Variants in IL17RB observed in about 807,000 individuals in gnomAD.
The protein encoded by IL17RB is interleukin 17 receptor B.
IL17RB carries 36 observed loss-of-function variants against 43.9 expected under a neutral mutation model. That is an observed-to-expected ratio of 0.82 (90% CI 0.63 to 1.08). The LOEUF (loss-of-function observed/expected upper bound fraction) is 1.08. Among genes scored for constraint, IL17RB ranks in the 50% least tolerant of loss-of-function variants. IL17RB has a pLI of 0.00. For synonymous variants in IL17RB, 225 were observed against 225.4 expected (o/e 1.00, Z 0.02); for missense variants, 613 against 613.6 (o/e 1.00, Z 0.01).
In IL17RB at chr3:53,860,025, TAA is replaced by T. The variant is rs1001328332; in HGVS notation, c.848-100_848-99del. 9.8e-6 allele frequency: 8 copies of T among 812,490 alleles called. No individual in the cohort carries two copies. In the African/African-American group the frequency reaches 1.2e-4, roughly 12 times the overall value. The allele number at this position is 812,490 out of a possible 1,614,324, so 50.3% of individuals were successfully genotyped here. On this transcript the variant is annotated intron_variant, in intron 9 of 10. Transcript: ENST00000288167. ...ACTCTGTCTCAAAACTAAAAAATAA[TAA>T]AAAATAAATAAACCTCTATAAAGTA...
At position 53,864,951 on chromosome 3, in the gene IL17RB, T is replaced by C. The variant is rs2232349; in HGVS notation, c.1152T>C (p.Thr384=). The C allele has an allele frequency of 6.9e-4, 1,113 of 1,614,148 alleles. 10 individuals are homozygous for C. In the African/African-American group the frequency reaches 0.013, roughly 19 times the overall value. The change falls in exon 11 of 11, where the codon ACT becomes ACC. Residue 384 remains threonine (T), a synonymous_variant. Coordinates refer to ENST00000288167, the MANE Select transcript of IL17RB (RefSeq NM_018725.4). The part of the protein sequence containing the change: ...AEMGPVQWLA[T]QKKAADKVVF... ...TGGGTCCAGTGCAGTGGCTTGCCAC[T>C]CAAAAGAAGGCAGCAGACAAAGTCG...
Position 53,852,008 on chromosome 3 carries a change from G to C in IL17RB, c.236G>C (p.Arg79Pro). 1.9e-6 allele frequency: 3 copies of C among 1,614,114 alleles called. No individual in the cohort carries two copies. The highest frequency in any genetic ancestry group is 2.5e-6 in the Non-Finnish European group (3 of 1,180,020). The stretch of plus-strand genomic sequence containing the variant: ...TTGCCTATCTCGGCAGCCAGCATCC[G>C]CTTGTTGAAGGCCACCAAGATTTGT... Reference protein sequence around the residue: ...SWVLRADASIRLLKATKICVT... With the variant: ...SWVLRADASIPLLKATKICVT... The change falls in exon 4 of 11, where the codon CGC becomes CCC. Residue 79 changes from arginine to proline, a missense_variant. By Grantham distance (103) the Arg-to-Pro change is moderately radical (BLOSUM62 -2). Transcript: ENST00000288167.
chr3:53,855,241 T>TG, intron 5 of IL17RB, 53 bp from the exon 6 acceptor site: 1 of 1,225,140 alleles, frequency 8.2e-7, no homozygotes, highest in Non-Finnish European at 1.2e-6. Flanking sequence ...GCAAAGGGGG[T>TG]GGGGCAGAGA....
In IL17RB at chr3:53,853,005, T is replaced by C; in HGVS notation, c.481+8T>C. 1 of 1,613,938 alleles carries C rather than the reference T, an allele frequency of 6.2e-7. No individual in the cohort carries two copies. The highest frequency in any genetic ancestry group is 8.5e-7 in the Non-Finnish European group (1 of 1,179,868). ...TGAATTTCACCTCACCAGGTAAACT[T>C]CCTCATTTGTTTATTATTCTTTGTC... is the stretch of plus-strand genomic sequence containing the variant. On this transcript the variant is annotated splice_region_variant and intron_variant, in intron 5 of 10. Transcript: ENST00000288167.
chr3:53,855,371 T>C (rs750280864), intron 6 of IL17RB, 30 bp downstream of exon 6: 3 of 1,501,310 alleles, frequency 2.0e-6, no homozygotes, highest in South Asian at 2.3e-5. Context: ...GCTTTTATTA[T>C]TTGAAGAAAC....
intron 1 of IL17RB, among the ~76,000 whole-genome samples, chr3:53,847,941 A>C (rs1698989139): frequency 6.6e-6 from 1 of 152,264 alleles, no homozygotes; most frequent in South Asian, 2.1e-4. Context: ...GATGCTCAGC[A>C]GCATATTCCA....
In IL17RB at chr3:53,846,640, C is replaced by A; in HGVS notation, c.52C>A (p.Arg18=). 6.3e-7 allele frequency: 1 copy of A among 1,591,904 alleles called. No individual in the cohort carries two copies. The highest frequency in any genetic ancestry group is 2.3e-5 in the East Asian group (1 of 43,018). The change falls in exon 1 of 11, where the codon CGA becomes AGA. Residue 18 remains arginine, a synonymous_variant. Coordinates refer to ENST00000288167, the MANE Select transcript of IL17RB (RefSeq NM_018725.4). The stretch of plus-strand genomic sequence containing the variant: ...CGCGCTGTGCAGGAGCGCCGTACCC[C>A]GAGAGCCGGTAAGCCCCCGCCAGCA... ...LAALCRSAVP[R]EPTVQCGSET...
At chr3:53,864,687 C>A in intron 10 of IL17RB, 59 bp from the exon 11 acceptor site, 3 of 1,279,348 alleles carry the variant, frequency 2.3e-6, no homozygotes, top group Non-Finnish European at 3.3e-6. Context: ...GGATGGTTTA[C>A]AGAGTGAAAG....
At chr3:53,862,978 C>G (rs1009088093) in intron 10 of IL17RB, among the ~76,000 whole-genome samples, 5 of 152,228 alleles carry the variant, frequency 3.3e-5, no homozygotes, top group African/African-American at 4.8e-5. Context: ...AGACTAACCC[C>G]TTCCTCCTCT....
Position 53,865,156 on chromosome 3 carries a change from A to G in IL17RB, c.1357A>G (p.Thr453Ala). The G allele has an allele frequency of 6.2e-7, 1 of 1,614,196 alleles. No homozygotes were observed. The highest frequency in any genetic ancestry group is 8.5e-7 in the Non-Finnish European group (1 of 1,180,046). ...YVVVYFREIDTKDDYNALSVC... is the reference protein window; with the variant it reads ...YVVVYFREIDAKDDYNALSVC... ...GGTGGTCTACTTTAGAGAGATTGAT[A>G]CAAAAGACGATTACAATGCTCTCAG... Residue 453 changes from threonine to alanine, a missense_variant, in exon 11 of 11, where the codon ACA (threonine) becomes GCA (alanine). Physicochemically the swap from Thr to Ala is moderately conservative, Grantham distance 58. Transcript: ENST00000288167.
intron 4 of IL17RB, 40 bp downstream of exon 4, chr3:53,852,166 G>C: frequency 6.3e-7 from 1 of 1,589,058 alleles, no homozygotes; most frequent in Non-Finnish European, 8.6e-7. Flanking sequence ...TTTTGAGATA[G>C]CATCTTGTTC....
chr3:53,848,480 A>T (rs2107001804), intron 1 of IL17RB, among the ~76,000 whole-genome samples, 184 bp from the exon 2 acceptor site: 1 of 152,386 alleles, frequency 6.6e-6, no homozygotes, highest in African/African-American at 2.4e-5. Flanking sequence ...ATGGTCCGTC[A>T]TAGCCTACAG....
chr3:53,848,538 C>A, intron 1 of IL17RB, 126 bp from the exon 2 acceptor site: 1 of 937,342 alleles, frequency 1.1e-6, no homozygotes, highest in Non-Finnish European at 1.8e-6. Flanking sequence ...ACCAGTTCAT[C>A]TTTTCTTTGA....
intron 10 of IL17RB, 26 bp from the exon 11 acceptor site, chr3:53,864,720 T>C: frequency 4.6e-6 from 7 of 1,529,788 alleles, no homozygotes; most frequent in Non-Finnish European, 6.2e-6. Flanking sequence ...TGTTCACAGA[T>C]AACAAATGCT....
intron 9 of IL17RB, chr3:53,859,160 T>G (rs1699463104): frequency 1.1e-5 from 2 of 182,372 alleles, no homozygotes; most frequent in African/African-American, 2.3e-5. Context: ...AGAATGAATA[T>G]TTCACTATAT....
chr3:53,860,619 T>C (rs1559782559), intron 10 of IL17RB: 1 of 156,196 alleles, frequency 6.4e-6, no homozygotes, highest in Non-Finnish European at 1.4e-5. Flanking sequence ...TCATACACAG[T>C]TGACCCTTGA....
chr3:53,857,056 C>G (rs574445190), intron 7 of IL17RB, 70 bp downstream of exon 7: 19 of 1,519,064 alleles, frequency 1.3e-5, no homozygotes, highest in Non-Finnish European at 1.7e-5. Flanking sequence ...AAAATGGGGA[C>G]AGTGTTGTCC....
chr3:53,849,933 G>A, intron 3 of IL17RB, 138 bp downstream of exon 3: 2 of 727,750 alleles, frequency 2.7e-6, no homozygotes, highest in South Asian at 5.9e-5. Flanking sequence ...CCACATACTA[G>A]GGTGATCGCA....
Position 53,849,701 on chromosome 3 carries a change from C to T in IL17RB, c.132C>T (p.Asp44=), listed in dbSNP as rs766007083. ...WMLQHDLIPG[D]LRDLRVEPVT... Reference sequence around the variant, plus strand: ...TACAACATGATCTAATCCCCGGAGACTTGAGGGACCTCCGAGTAGAACCTG... The same window carrying T: ...TACAACATGATCTAATCCCCGGAGATTTGAGGGACCTCCGAGTAGAACCTG... The change falls in exon 3 of 11, where the codon GAC becomes GAT. Residue 44 remains aspartate, a synonymous_variant. Coordinates refer to ENST00000288167, the MANE Select transcript of IL17RB (RefSeq NM_018725.4). The T allele has an allele frequency of 9.9e-6, 16 of 1,612,846 alleles. No individual in the cohort carries two copies. Among genetic ancestry groups the T allele is most frequent in the Non-Finnish European group, 1.4e-5 (16 of 1,179,530 alleles).
Sources: allele counts gnomAD v4.1 joint callset (sites outside exome capture counted in the v4.1 genomes callset), GRCh38; gene constraint gnomAD v4.1.1; transcripts MANE v1.5; gene names NCBI Gene and HGNC (gene_info 2026-07-23, HGNC 2026-07-21).